The following HGSNAT variants were observed in gnomAD, a reference collection of about 807,000 sequenced individuals.
HGSNAT encodes the protein heparan-alpha-glucosaminide N-acetyltransferase, also known as transmembrane protein 76.
A neutral mutation model predicts 85.2 loss-of-function variants in HGSNAT; 59 were observed. The observed-to-expected ratio is 0.69, with a 90% confidence interval of 0.56 to 0.86. HGSNAT has a LOEUF of 0.86. Ranked by LOEUF, HGSNAT falls within the 40% of genes least tolerant of loss-of-function variation. The pLI, the probability that HGSNAT is intolerant of heterozygous loss-of-function variation, is 0.00. For synonymous variants in HGSNAT, 321 were observed against 304.5 expected, an observed-to-expected ratio of 1.05 and a Z score of -0.56; for missense variants, 756 against 777.1, an observed-to-expected ratio of 0.97 and a Z score of 0.32.
chr8:43,199,187 C>T (rs1252880944), intron 17 of HGSNAT, among the ~76,000 whole-genome samples: 1 of 152,208 alleles, frequency 6.6e-6, no homozygotes, highest in Admixed American at 6.5e-5. Flanking sequence ...AGTCGTGAGC[C>T]ACTACACCAG....
At chr8:43,188,799 T>C (rs939897536) in intron 11 of HGSNAT, among the ~76,000 whole-genome samples, 3 of 152,212 alleles carry the variant, frequency 2.0e-5, no homozygotes, top group Non-Finnish European at 4.4e-5. Flanking sequence ...CCTTTGGTCT[T>C]TGATGATGGT....
intron 7 of HGSNAT, among the ~76,000 whole-genome samples, chr8:43,171,037 G>A (rs553904498): frequency 2.0e-5 from 3 of 152,260 alleles, no homozygotes; most frequent in East Asian, 1.9e-4. Context: ...CGGCTCAGAA[G>A]ATGCACTAGT....
chr8:43,143,846 C>A (rs1226556015), intron 1 of HGSNAT, among the ~76,000 whole-genome samples: 2 of 151,928 alleles, frequency 1.3e-5, no homozygotes, highest in Non-Finnish European at 2.9e-5. Context: ...GTGCCTGGCC[C>A]ACCAGGAGCT....
chr8:43,141,440 G>A (rs1802537464), intron 1 of HGSNAT, among the ~76,000 whole-genome samples: 1 of 152,116 alleles, frequency 6.6e-6, no homozygotes, highest in African/African-American at 2.4e-5. Context: ...GAACTCGGTG[G>A]GGAAAACGGT....
At position 43,196,978 on chromosome 8, in the gene HGSNAT, C is replaced by G; in HGVS notation, c.1495C>G (p.Arg499Gly). 1.9e-6 allele frequency: 3 copies of G among 1,611,828 alleles called. No homozygotes were observed. The highest frequency in any genetic ancestry group is 2.5e-6 in the Non-Finnish European group (3 of 1,178,042). Residue 499 changes from arginine (R) to glycine (G), a missense_variant, in exon 15 of 18, where the codon CGG becomes GGG. By Grantham distance (125) the Arg-to-Gly change is moderately radical. Coordinates refer to ENST00000379644, the MANE Select transcript of HGSNAT (RefSeq NM_152419.3). ...AAAAATACTATTGTATTACAAGGCTCGGACCAAAGACATCCTGATTCGATT... is the reference window on the plus strand; with the variant it reads ...AAAAATACTATTGTATTACAAGGCTGGGACCAAAGACATCCTGATTCGATT... ...AGKILLYYKA[R>G]TKDILIRFTA...
intron 11 of HGSNAT, among the ~76,000 whole-genome samples, chr8:43,190,413 T>C (rs1435994224): frequency 6.6e-6 from 1 of 152,198 alleles, no homozygotes; most frequent in African/African-American, 2.4e-5. Flanking sequence ...GTTATCTAGT[T>C]TGGGGGGCGT....
rs1379026539 is a variant in HGSNAT, at chr8:43,191,511, G to C, written c.1166G>C (p.Ser389Thr). ...SCLSLRDITSSWPQWLLILVL... is the reference protein window; with the variant it reads ...SCLSLRDITSTWPQWLLILVL... ...CTTTCTCTTCGAGACATCACGTCCA[G>C]CTGGCCCCAGTGGCTGCTCATCCTG... The change falls in exon 12 of 18, where the codon AGC becomes ACC. Residue 389 changes from serine to threonine, a missense_variant. Coordinates refer to ENST00000379644, the MANE Select transcript of HGSNAT (RefSeq NM_152419.3). 5.6e-6 allele frequency: 9 copies of C among 1,613,978 alleles called. No individual in the cohort carries two copies. The highest frequency in any genetic ancestry group is 6.8e-6 in the Non-Finnish European group (8 of 1,179,862).
intron 2 of HGSNAT, among the ~76,000 whole-genome samples, chr8:43,154,913 G>C (rs1040260402): frequency 6.6e-6 from 1 of 152,120 alleles, no homozygotes; most frequent in African/African-American, 2.4e-5. Context: ...ATCTCATTGT[G>C]GTTTTGATTT....
rs772107834 is a variant in HGSNAT at position 43,196,992 on chromosome 8, C to G, written c.1509C>G (p.Ile503Met). The G allele has an allele frequency of 1.2e-6, 2 of 1,612,482 alleles. No homozygotes were observed. Among genetic ancestry groups the G allele is most frequent in the East Asian group, 4.5e-5 (2 of 44,880 alleles). ...ATTACAAGGCTCGGACCAAAGACAT[C>G]CTGATTCGATTCACTGCTTGGTGTT... ...LLYYKARTKD[I>M]LIRFTAWCCI... Residue 503 changes from isoleucine to methionine, a missense_variant, in exon 15 of 18, where the codon ATC becomes ATG. Ile to Met is a conservative substitution (Grantham distance 10, BLOSUM62 1). Transcript: ENST00000379644.
At chr8:43,161,557 C>A in intron 5 of HGSNAT, 50 bp downstream of exon 5, 1 of 1,420,790 alleles carries the variant, frequency 7.0e-7, no homozygotes, top group Non-Finnish European at 9.7e-7. Context: ...ATAGAAATAA[C>A]ACATTCAGAA....
At position 43,146,909 on chromosome 8, in the gene HGSNAT, CTTTTT is replaced by C. The variant is rs375505816; in HGVS notation, c.119-27_119-23del. 2.6e-5 allele frequency: 27 copies of C among 1,035,558 alleles called. No homozygotes were observed. The South Asian group carries it at 3.1e-4, about 12-fold the overall frequency. 64.1% of individuals were successfully genotyped at this position (1,035,558 alleles called of 1,614,324 possible). On this transcript the variant is annotated intron_variant, in intron 1 of 17. Transcript: ENST00000379644. ...TGTCTCTAACACATCTTTCGGGTGC[CTTTTT>C]TTTTTTTTTTTAACTTTTCCTAATT...
At chr8:43,155,948 C>T (rs374806241) in intron 2 of HGSNAT, among the ~76,000 whole-genome samples, 1 of 151,990 alleles carries the variant, frequency 6.6e-6, no homozygotes, top group African/African-American at 2.4e-5. Flanking sequence ...TCAAGTGATT[C>T]TCCCATCTCA....
intron 5 of HGSNAT, 143 bp downstream of exon 5, chr8:43,161,650 T>C (rs1342343980): frequency 1.8e-6 from 1 of 543,534 alleles, no homozygotes; most frequent in Non-Finnish European, 3.2e-6. Flanking sequence ...AGTGCTAGGC[T>C]TCAGGGACTC....
chr8:43,166,226 A>T (rs968365266), intron 5 of HGSNAT, among the ~76,000 whole-genome samples: 4 of 152,226 alleles, frequency 2.6e-5, no homozygotes, highest in Non-Finnish European at 5.9e-5. Context: ...GCAGCAAGTT[A>T]TCCAGAAGAT....
intron 14 of HGSNAT, chr8:43,196,466 A>G (rs1012496113): frequency 7.8e-7 from 1 of 1,289,336 alleles, no homozygotes; most frequent in African/African-American, 1.5e-5. Context: ...GGCCTGTCTG[A>G]CGGAACCCTT....
At chr8:43,196,846 A>T in intron 14 of HGSNAT, 102 bp from the exon 15 acceptor site, 1 of 758,144 alleles carries the variant, frequency 1.3e-6, no homozygotes. Flanking sequence ...TAGCGTGCCC[A>T]GCAAGTGAAT....
At chr8:43,143,748 G>A (rs1480056297) in intron 1 of HGSNAT, among the ~76,000 whole-genome samples, 4 of 149,888 alleles carry the variant, frequency 2.7e-5, no homozygotes, top group Non-Finnish European at 4.4e-5. Context: ...GGGTTTCACC[G>A]TGTTAGCCAG....
At position 43,178,587 on chromosome 8, in the gene HGSNAT, C is replaced by T. The variant is rs1028798446; in HGVS notation, c.1012+353C>T. Among the ~76,000 whole-genome samples the T allele has an allele frequency of 7.6e-5, 11 of 144,934 alleles. 1 individual carries two copies. In the East Asian group the frequency reaches 2.2e-3, roughly 29 times the overall value. On this transcript the variant is annotated intron_variant, in intron 10 of 17. Coordinates refer to ENST00000379644, the MANE Select transcript of HGSNAT (RefSeq NM_152419.3). Reference sequence around the variant, plus strand: ...TTGCCCCCTGCTAATGTGATTTCATCAGCTTTCTTTTTTTTTTTTTTTTTT... The same window carrying T: ...TTGCCCCCTGCTAATGTGATTTCATTAGCTTTCTTTTTTTTTTTTTTTTTT...
chr8:43,159,726 A>C (rs1803211232), intron 4 of HGSNAT, among the ~76,000 whole-genome samples: 1 of 152,224 alleles, frequency 6.6e-6, no homozygotes, highest in South Asian at 2.1e-4. Flanking sequence ...TCCTTGTTTT[A>C]GGAGTGAGCG....
Sources: gnomAD v4.1 joint callset for allele counts (sites outside exome capture counted in the v4.1 genomes callset) on GRCh38, gnomAD v4.1.1 for gene constraint, MANE v1.5 for transcripts, NCBI Gene and HGNC (gene_info 2026-07-23, HGNC 2026-07-21) for gene names.